MSANTD2: variants seen among roughly 807,000 people sequenced by gnomAD.
MSANTD2 encodes the protein myb/SANT-like DNA-binding domain-containing protein 2.
MSANTD2 carries 19 observed loss-of-function variants against 52.6 expected under a neutral mutation model. The ratio of observed to expected loss-of-function variants is 0.36; its 90% confidence interval spans 0.25 to 0.53. MSANTD2 has a LOEUF of 0.53. Among genes scored for constraint, MSANTD2 ranks in the 20% least tolerant of loss-of-function variants. MSANTD2 has a pLI of 0.91. For synonymous variants in MSANTD2, 291 were observed against 289.7 expected (o/e 1.00, Z -0.04); for missense variants, 558 against 716.3 (o/e 0.78, Z 2.52).
chr11:124,783,854 A>G (rs1463628646), intron 1 of MSANTD2: 2 of 985,294 alleles, frequency 2.0e-6, no homozygotes, highest in Non-Finnish European at 2.4e-6. Context: ...TCATGTAACC[A>G]TAAAGCTTCT....
chr11:124,797,407 G>A (rs541623535), intron 1 of MSANTD2, among the ~76,000 whole-genome samples: 3 of 152,320 alleles, frequency 2.0e-5, no homozygotes, highest in South Asian at 4.1e-4. Flanking sequence ...TGAGGTGGGA[G>A]CATCACTTAG....
At chr11:124,775,099 G>T in intron 1 of MSANTD2, 125 bp from the exon 2 acceptor site, 1 of 793,706 alleles carries the variant, frequency 1.3e-6, no homozygotes, top group Non-Finnish European at 1.9e-6. Context: ...TTACAGGAAT[G>T]CTAGATTTCA....
At chr11:124,794,712 G>A (rs1401626657) in intron 1 of MSANTD2, among the ~76,000 whole-genome samples, 5 of 152,048 alleles carry the variant, frequency 3.3e-5, no homozygotes, top group Non-Finnish European at 7.4e-5. Flanking sequence ...ATAATTGCAA[G>A]GCTTCAGAGC....
At chr11:124,768,162 G>T in intron 3 of MSANTD2, 134 bp from the exon 4 acceptor site, 1 of 745,138 alleles carries the variant, frequency 1.3e-6, no homozygotes, top group Non-Finnish European at 2.1e-6. Context: ...ATGTGGCTGA[G>T]GTATTACATT....
At chr11:124,770,878 AC>A (rs1944493634) in intron 3 of MSANTD2, among the ~76,000 whole-genome samples, 1 of 150,306 alleles carries the variant, frequency 6.7e-6, no homozygotes, top group Admixed American at 6.7e-5. Flanking sequence ...GATTACAGGC[AC>A]CCGCTACCAT....
chr11:124,792,528 T>C (rs1317331758), intron 1 of MSANTD2: 2 of 152,234 alleles, frequency 1.3e-5, no homozygotes, highest in South Asian at 4.1e-4. Context: ...TAACTATTCA[T>C]CTACCTTTGA....
chr11:124,769,131 T>C (rs1944408741), intron 3 of MSANTD2, among the ~76,000 whole-genome samples: 1 of 152,186 alleles, frequency 6.6e-6, no homozygotes, highest in African/African-American at 2.4e-5. Context: ...AGCTTGATCC[T>C]TGAGACTTTT....
chr11:124,799,755 C>T (rs1945625635), intron 1 of MSANTD2, 116 bp downstream of exon 1: 2 of 680,596 alleles, frequency 2.9e-6, no homozygotes, highest in African/African-American at 1.9e-5. Flanking sequence ...AGATGCGAAT[C>T]GCCCACCGGG....
chr11:124,791,191 G>A, intron 1 of MSANTD2: 1 of 1,119,106 alleles, frequency 8.9e-7, no homozygotes, highest in Non-Finnish European at 1.3e-6. Flanking sequence ...GGAAGAATGG[G>A]TGCATGTGAG....
intron 1 of MSANTD2, chr11:124,791,434 A>G: frequency 7.7e-7 from 1 of 1,301,006 alleles, no homozygotes; most frequent in Middle Eastern, 1.9e-4. Flanking sequence ...TGAGAAGCAC[A>G]GACTTCCGGA....
chr11:124,787,882 C>G (rs1945208993), intron 1 of MSANTD2, among the ~76,000 whole-genome samples: 1 of 151,862 alleles, frequency 6.6e-6, no homozygotes, highest in Non-Finnish European at 1.5e-5. Flanking sequence ...TGCTTGAGCC[C>G]AGGAGTTAAG....
intron 1 of MSANTD2, chr11:124,791,850 T>C (rs1334261721): frequency 1.0e-4 from 46 of 449,210 alleles, no homozygotes; most frequent in South Asian, 8.9e-4. Flanking sequence ...TATACTGTTA[T>C]GAAAGAGGCT....
intron 3 of MSANTD2, 102 bp downstream of exon 3, chr11:124,772,892 A>C: frequency 4.0e-6 from 3 of 744,734 alleles, no homozygotes; most frequent in Non-Finnish European, 7.0e-6. Flanking sequence ...TCCTTGGTGA[A>C]TGGCCGGAAC....
At chr11:124,792,686 A>G (rs1370745418) in intron 1 of MSANTD2, 1 of 152,236 alleles carries the variant, frequency 6.6e-6, no homozygotes, top group East Asian at 1.9e-4. Flanking sequence ...CTTTATTACA[A>G]GATGGACATC....
At chr11:124,792,202 C>T (rs1235919500) in intron 1 of MSANTD2, 4 of 153,070 alleles carry the variant, frequency 2.6e-5, no homozygotes, top group Admixed American at 2.6e-4. Context: ...CAATTCAACA[C>T]CATAAAAAAG....
chr11:124,799,435 A>G (rs776965830), intron 1 of MSANTD2, among the ~76,000 whole-genome samples: 1 of 152,048 alleles, frequency 6.6e-6, no homozygotes, highest in East Asian at 1.9e-4. Context: ...CTATTCCTAA[A>G]CTAGGGGCTC....
rs370755379 is a variant in MSANTD2 at position 124,773,009 on chromosome 11, G to T, written c.812C>A (p.Ser271Tyr). ...ATCTACTTACTGTGCTTCTTCAGAAGACTCTTGTTTTATTTTTAATGTTCT... is the reference window on the plus strand; with the variant it reads ...ATCTACTTACTGTGCTTCTTCAGAATACTCTTGTTTTATTTTTAATGTTCT... ...TKRTLKIKQE[S>Y]SEEAQKRDIM... The change falls in exon 3 of 4, where the codon TCT becomes TAT. Residue 271 changes from serine to tyrosine, a missense_variant. This residue lies in a region of MSANTD2 where 408 missense variants were observed against 573.6 expected (regional missense o/e 0.71). Coordinates refer to ENST00000374979, the MANE Select transcript of MSANTD2 (RefSeq NM_001308027.2). 3.8e-5 allele frequency: 61 copies of T among 1,599,226 alleles called. No homozygotes were observed. Among genetic ancestry groups the T allele is most frequent in the Admixed American group, 5.0e-5 (3 of 59,848 alleles).
chr11:124,799,175 A>G (rs1474813564), intron 1 of MSANTD2, among the ~76,000 whole-genome samples: 1 of 152,230 alleles, frequency 6.6e-6, no homozygotes, highest in African/African-American at 2.4e-5. Context: ...GCAGGGCCTC[A>G]AGCCAATCTA....
chr11:124,767,163 T>A lies in MSANTD2; in HGVS notation c.*13A>T. On this transcript the variant is annotated 3_prime_UTR_variant, in exon 4 of 4. Transcript: ENST00000374979. This position sits in a 1 kb window ranked among gnomAD's most constrained non-coding sequence, Gnocchi z 6.5. ...AAGGAGCTAAGAGCCCAAATCCTTA[T>A]GAAGGATGACATTCAGTTGTTAAAT... The A allele has an allele frequency of 6.3e-7, 1 of 1,577,492 alleles. No homozygotes were observed. The highest frequency in any genetic ancestry group is 1.8e-5 in the Admixed American group (1 of 54,616).
Sources: allele counts gnomAD v4.1 joint callset (sites outside exome capture counted in the v4.1 genomes callset), GRCh38; gene constraint gnomAD v4.1.1; regional missense constraint gnomAD v4.1.1; non-coding constraint Gnocchi (gnomAD v3.1); transcripts MANE v1.5; gene names NCBI Gene and HGNC (gene_info 2026-07-23, HGNC 2026-07-21).